TCTN1: variants seen among roughly 807,000 people sequenced by gnomAD.
TCTN1 encodes the protein tectonic family member 1.
In TCTN1, 58 loss-of-function variants were observed where a neutral mutation model predicts 65.8. That is an observed-to-expected ratio of 0.88 (90% CI 0.71 to 1.10). The LOEUF (loss-of-function observed/expected upper bound fraction) is 1.10. TCTN1 is among the 50% of genes least tolerant of loss of function. The probability of loss-of-function intolerance (pLI) is 0.00; values close to 1 mark genes in which losing one functional copy is unlikely to be tolerated. For synonymous variants in TCTN1, 273 were observed against 289.1 expected, an observed-to-expected ratio of 0.94 and a Z score of 0.57; for missense variants, 645 against 719.4, an observed-to-expected ratio of 0.90 and a Z score of 1.18.
intron 12 of TCTN1, 193 bp from the exon 13 acceptor site, chr12:110,647,003 T>C: frequency 1.5e-6 from 1 of 650,490 alleles, no homozygotes; most frequent in South Asian, 2.0e-5. Flanking sequence ...GCTTCAGCTG[T>C]TAAAAATATT....
At chr12:110,616,542 T>C (rs931711872) in intron 1 of TCTN1, among the ~76,000 whole-genome samples, 3 of 152,162 alleles carry the variant, frequency 2.0e-5, no homozygotes, top group African/African-American at 7.2e-5. Flanking sequence ...CACTGCACTC[T>C]GCCAGTCACC....
intron 5 of TCTN1, among the ~76,000 whole-genome samples, chr12:110,633,216 C>G (rs556107679): frequency 6.6e-6 from 1 of 152,320 alleles, no homozygotes; most frequent in East Asian, 1.9e-4. Context: ...GCTTGGCTCT[C>G]CCATCCCCAA....
At chr12:110,620,091 C>A in intron 2 of TCTN1, 135 bp downstream of exon 2, 1 of 1,333,896 alleles carries the variant, frequency 7.5e-7, no homozygotes, top group Non-Finnish European at 1.1e-6. Flanking sequence ...GAAGCCATAC[C>A]GTCCAAACAA....
intron 5 of TCTN1, 47 bp from the exon 6 acceptor site, chr12:110,634,623 C>T (rs1190034414): frequency 1.3e-6 from 2 of 1,494,120 alleles, no homozygotes; most frequent in Non-Finnish European, 1.8e-6. Context: ...TGAAAAATTT[C>T]TTCTCTTTTG....
Position 110,632,500 on chromosome 12 carries a change from C to A in TCTN1, c.653C>A (p.Ser218Ter). Residue 218 changes from serine to a stop codon, truncating the protein, a stop_gained, in exon 5 of 15, where the codon TCG becomes TAG. Transcript: ENST00000397659. LOFTEE classifies it high-confidence loss of function. ...EYGVPLQTSD[S>*]FLRFPSSLTS... is the part of the protein sequence containing the mutation. ...GGGGTTCCTCTGCAGACTTCAGATT[C>A]GTTTCTGAGATTTCCTTCGTCCCTG... The A allele has an allele frequency of 6.2e-7, 1 of 1,613,986 alleles. No individual in the cohort carries two copies. The highest frequency in any genetic ancestry group is 1.1e-5 in the South Asian group (1 of 91,058).
chr12:110,618,414 T>C (rs1414478813), intron 1 of TCTN1, among the ~76,000 whole-genome samples: 2 of 152,152 alleles, frequency 1.3e-5, no homozygotes, highest in African/African-American at 2.4e-5. Flanking sequence ...CTAGTTTTTA[T>C]ATTGTTAGTA....
At chr12:110,622,350 A>G (rs2065491497) in intron 2 of TCTN1, among the ~76,000 whole-genome samples, 1 of 151,660 alleles carries the variant, frequency 6.6e-6, no homozygotes, top group South Asian at 2.1e-4. Flanking sequence ...TTTCTTGAGT[A>G]CCTCCTGAAT....
At chr12:110,636,804 CCTT>C (rs2066603865) in intron 7 of TCTN1, among the ~76,000 whole-genome samples, 2 of 152,220 alleles carry the variant, frequency 1.3e-5, no homozygotes, top group African/African-American at 4.8e-5. Context: ...TCCCTTGCTC[CCTT>C]CTTAGTCTCT....
intron 7 of TCTN1, among the ~76,000 whole-genome samples, chr12:110,637,871 C>A (rs1032441223): frequency 6.6e-6 from 1 of 152,140 alleles, no homozygotes; most frequent in African/African-American, 2.4e-5. Context: ...GTACTGGGCA[C>A]TCAATGAGTT....
rs567972230 is a variant in TCTN1, at chr12:110,647,490, C to T, written c.1635+154C>T. The T allele has an allele frequency of 1.3e-4, 146 of 1,101,348 alleles. 2 individuals carry two copies. In the South Asian group the frequency reaches 1.6e-3, roughly 12 times the overall value. 68.2% of individuals were successfully genotyped at this position (1,101,348 alleles called of 1,614,324 possible). ...CAGCAGTCATTCTTAGAAACACTGA[C>T]GATGGTTCTACTTACATTAGCATTC... On this transcript the variant is annotated intron_variant, in intron 13 of 14. Coordinates refer to ENST00000397659, the MANE Select transcript of TCTN1 (RefSeq NM_001082538.3).
intron 3 of TCTN1, chr12:110,627,995 G>GT: frequency 6.0e-6 from 9 of 1,506,482 alleles, no homozygotes; most frequent in Non-Finnish European, 7.1e-6. Flanking sequence ...GTTCTCTGTC[G>GT]TAACACCAGC....
chr12:110,619,372 A>G (rs2065263930), intron 1 of TCTN1, among the ~76,000 whole-genome samples: 1 of 152,140 alleles, frequency 6.6e-6, no homozygotes, highest in South Asian at 2.1e-4. Context: ...GCAAGATTGA[A>G]AAGTCTCTTT....
chr12:110,627,681 C>T lies in TCTN1; in HGVS notation c.473-1086C>T, dbSNP rs1004700661. On this transcript the variant is annotated intron_variant, in intron 3 of 14. Transcript: ENST00000397659. ...GTTGAAAATCAGGCTCAGCTTTGAACATTACCTGTGGTTTCTATTTCCTTT... is the reference window on the plus strand; with the variant it reads ...GTTGAAAATCAGGCTCAGCTTTGAATATTACCTGTGGTTTCTATTTCCTTT... Among the ~76,000 whole-genome samples, 4 of 152,104 alleles carry T rather than the reference C, an allele frequency of 2.6e-5. No individual in the cohort carries two copies. In the South Asian group the frequency reaches 6.2e-4, roughly 24 times the overall value.
intron 7 of TCTN1, among the ~76,000 whole-genome samples, chr12:110,637,487 G>A (rs184727160): frequency 6.6e-6 from 1 of 152,194 alleles, no homozygotes; most frequent in South Asian, 2.1e-4. Flanking sequence ...CTATTATGAG[G>A]AATGATGGAT....
At chr12:110,628,513 G>A (rs2066002642) in intron 3 of TCTN1, among the ~76,000 whole-genome samples, 1 of 151,886 alleles carries the variant, frequency 6.6e-6, no homozygotes, top group East Asian at 1.9e-4. Context: ...GCTAATTTTT[G>A]TATTTTTAGT....
chr12:110,614,604 C>A, intron 1 of TCTN1: 1 of 1,149,540 alleles, frequency 8.7e-7, no homozygotes, highest in Non-Finnish European at 1.3e-6. Flanking sequence ...AATGAGAAAA[C>A]CGGGTCTCAG....
rs1462201864 is a variant in TCTN1, at chr12:110,636,491, C to G, written c.833C>G (p.Ser278Ter). 4 of 1,358,722 alleles carry G rather than the reference C, an allele frequency of 2.9e-6. No homozygotes were observed. In the South Asian group the frequency reaches 4.7e-5, roughly 16 times the overall value. 84.2% of individuals were successfully genotyped at this position (1,358,722 alleles called of 1,614,324 possible). ...SSPEILRVPD[S>*]RKKVPITVQS... ...TTTCTTTTTATCTAGGTACCTGATT[C>G]AAGAAAAAAGGTAAGAGTATTTATT... The change falls in exon 7 of 15, where the codon TCA becomes TGA. Residue 278 changes from serine to a stop codon, truncating the protein, a stop_gained. Transcript: ENST00000397659. LOFTEE classifies it high-confidence loss of function.
chr12:110,646,900 A>T (rs939658488), intron 12 of TCTN1: 4 of 409,232 alleles, frequency 9.8e-6, no homozygotes, highest in African/African-American at 6.1e-5. Flanking sequence ...TAGAGCAGTT[A>T]TGGCCCTAAA....
chr12:110,617,645 CT>C lies in TCTN1; in HGVS notation c.221-2178del, dbSNP rs796301279. ...ACATTTTTCTTTTCTCTTTTTCTTT[CT>C]TTTTTTTTTTTTGAGATGGAATCTT... On this transcript the variant is annotated intron_variant, in intron 1 of 14. Coordinates refer to ENST00000397659, the MANE Select transcript of TCTN1 (RefSeq NM_001082538.3). Among the ~76,000 whole-genome samples the C allele has an allele frequency of 9.5e-3, 1,353 of 142,286 alleles. 2 individuals are homozygous for C. The highest frequency in any genetic ancestry group is 0.011 in the Non-Finnish European group (732 of 64,966). 93.3% of individuals were successfully genotyped at this position (142,286 alleles called of 152,430 possible). A position where few individuals can be genotyped will look rare whatever the true frequency, so the allele number is the denominator to read the frequency against.
Sources: allele counts gnomAD v4.1 joint callset (sites outside exome capture counted in the v4.1 genomes callset), GRCh38; gene constraint gnomAD v4.1.1; transcripts MANE v1.5; gene names NCBI Gene and HGNC (gene_info 2026-07-23, HGNC 2026-07-21).